DLC1: variants seen among roughly 807,000 people sequenced by gnomAD.
DLC1 encodes the protein rho GTPase-activating protein 7.
DLC1 carries 54 observed loss-of-function variants against 140.3 expected under a neutral mutation model. That is an observed-to-expected ratio of 0.38 (90% confidence interval 0.31 to 0.48). The LOEUF (loss-of-function observed/expected upper bound fraction) is 0.48, where lower values mean the gene tolerates loss of function less well. DLC1 is among the 20% of genes least tolerant of loss of function. The probability of loss-of-function intolerance (pLI) is 0.96; values close to 1 mark genes in which losing one functional copy is unlikely to be tolerated. For synonymous variants in DLC1, 986 were observed against 728.1 expected, an observed-to-expected ratio of 1.35 and a Z score of -5.70; for missense variants, 2,536 against 1,907.0, an observed-to-expected ratio of 1.33 and a Z score of -6.14.
At chr8:13,239,210 T>A (rs1341395531) in intron 5 of DLC1, among the ~76,000 whole-genome samples, 1 of 152,106 alleles carries the variant, frequency 6.6e-6, no homozygotes, top group East Asian at 1.9e-4. Context: ...AGAGCAGTTG[T>A]TAGGTGCAAA....
chr8:13,553,857 C>T (rs11782548), intron 1 of DLC1, among the ~76,000 whole-genome samples: 119,337 of 152,020 alleles, frequency 0.79, 47,156 homozygotes, highest in East Asian at 0.96. Context: ...TTATCTTACT[C>T]GAGGACATTT....
chr8:13,242,079 C>A (rs1254305576), intron 5 of DLC1, among the ~76,000 whole-genome samples: 1 of 152,138 alleles, frequency 6.6e-6, no homozygotes, highest in Non-Finnish European at 1.5e-5. Context: ...ATAGGTAAAA[C>A]ACTCATGCAC....
intron 6 of DLC1, among the ~76,000 whole-genome samples, chr8:13,113,929 C>T (rs1373750512): frequency 6.6e-6 from 1 of 152,186 alleles, no homozygotes; most frequent in Non-Finnish European, 1.5e-5. Flanking sequence ...TAAGGAAGAC[C>T]GGGTATTCTA....
intron 1 of DLC1, among the ~76,000 whole-genome samples, chr8:13,525,691 A>G (rs1217272779): frequency 3.3e-5 from 5 of 152,128 alleles, no homozygotes; most frequent in Non-Finnish European, 7.4e-5. Flanking sequence ...TGGTTTCCTT[A>G]TGGGAGACCA....
At position 13,425,839 on chromosome 8, in the gene DLC1, A is replaced by G. The variant is rs530599138; in HGVS notation, c.1024-24220T>C. Among the ~76,000 whole-genome samples, 5 of 152,310 alleles carry G rather than the reference A, an allele frequency of 3.3e-5. No homozygotes were observed. In the East Asian group the frequency reaches 7.7e-4, roughly 24 times the overall value. On this transcript the variant is annotated intron_variant, in intron 2 of 17. Transcript: ENST00000276297. ...GCCTGGGCTGTAGTGCAGTGGCACA[A>G]TCATAGCTCACTGTAGCCTTGACCT...
At chr8:13,535,831 A>G (rs1803259542) in intron 1 of DLC1, among the ~76,000 whole-genome samples, 1 of 152,154 alleles carries the variant, frequency 6.6e-6, no homozygotes, top group South Asian at 2.1e-4. Flanking sequence ...TATCTACTTA[A>G]TAGATTTTGA....
chr8:13,434,683 T>C (rs183472396), intron 2 of DLC1, among the ~76,000 whole-genome samples: 1 of 152,242 alleles, frequency 6.6e-6, no homozygotes, highest in African/African-American at 2.4e-5. Context: ...GTTTTATTAT[T>C]AGTAGTATTT....
chr8:13,121,725 CT>C (rs1821091194), intron 5 of DLC1, among the ~76,000 whole-genome samples: 1 of 117,714 alleles, frequency 8.5e-6, no homozygotes, highest in African/African-American at 4.4e-5. Context: ...AGTTTTTATA[CT>C]ATTTTTTATA....
At chr8:13,290,668 G>C (rs1250923195) in intron 5 of DLC1, among the ~76,000 whole-genome samples, 1 of 152,136 alleles carries the variant, frequency 6.6e-6, no homozygotes, top group African/African-American at 2.4e-5. Flanking sequence ...TGGAGTGTTT[G>C]GGGGAAAAGT....
intron 5 of DLC1, among the ~76,000 whole-genome samples, chr8:13,165,518 C>A (rs994235616): frequency 6.6e-6 from 1 of 152,212 alleles, no homozygotes; most frequent in South Asian, 2.1e-4. Flanking sequence ...CGTACTTTCA[C>A]GCTCTGTTCC....
intron 1 of DLC1, among the ~76,000 whole-genome samples, chr8:13,601,321 T>C (rs951856807): frequency 1.3e-5 from 2 of 151,806 alleles, no homozygotes; most frequent in Non-Finnish European, 3.0e-5. Flanking sequence ...TGCTATCTTA[T>C]ACTTCAGTGT....
chr8:13,234,175 A>C (rs2117212144), intron 5 of DLC1, among the ~76,000 whole-genome samples: 1 of 152,288 alleles, frequency 6.6e-6, no homozygotes, highest in East Asian at 1.9e-4. Context: ...CTTTTTAAAA[A>C]TTTAGGAAAT....
chr8:13,201,633 C>G (rs1397591312), intron 5 of DLC1, among the ~76,000 whole-genome samples: 2 of 151,936 alleles, frequency 1.3e-5, no homozygotes, highest in Non-Finnish European at 2.9e-5. Flanking sequence ...GGAGAAAAAG[C>G]AATTTGTGTC....
At chr8:13,528,579 T>C (rs1802994062) in intron 1 of DLC1, among the ~76,000 whole-genome samples, 1 of 152,138 alleles carries the variant, frequency 6.6e-6, no homozygotes, top group Non-Finnish European at 1.5e-5. Context: ...TTTCCTCTAC[T>C]TATATTAGTT....
rs1799251388 is a variant in DLC1, at chr8:13,453,550, ATATATATTTTTT to A, written c.1023+45487_1023+45498del. On this transcript the variant is annotated intron_variant, in intron 2 of 17. Coordinates refer to ENST00000276297, the MANE Select transcript of DLC1 (RefSeq NM_182643.3). ...TATGTATATATATACATATATATAT[ATATATATTTTTT>A]TTTTTTTTTTTTCAGATAGAAATGT... Among the ~76,000 whole-genome samples the A allele has an allele frequency of 2.0e-4, 9 of 45,994 alleles. 2 individuals carry two copies. The highest frequency in any genetic ancestry group is 1.2e-3 in the African/African-American group (9 of 7,508). 30.2% of individuals were successfully genotyped at this position (45,994 alleles called of 152,430 possible). A position where few individuals can be genotyped will look rare whatever the true frequency, so the allele number is the denominator to read the frequency against.
chr8:13,146,293 C>G (rs902910348), intron 5 of DLC1, among the ~76,000 whole-genome samples: 1 of 151,030 alleles, frequency 6.6e-6, no homozygotes, highest in Non-Finnish European at 1.5e-5. Context: ...AAAAAATACA[C>G]TGTAATACGT....
intron 1 of DLC1, among the ~76,000 whole-genome samples, chr8:13,501,041 C>G (rs1040536292): frequency 1.3e-5 from 2 of 152,200 alleles, no homozygotes; most frequent in African/African-American, 4.8e-5. Flanking sequence ...CTACCTTCAT[C>G]CCTTCTTCCC....
chr8:13,407,050 A>G (rs900920155), intron 2 of DLC1, among the ~76,000 whole-genome samples: 1 of 152,220 alleles, frequency 6.6e-6, no homozygotes, highest in African/African-American at 2.4e-5. Context: ...AGAAATTTCC[A>G]CTTGTGTCTC....
At chr8:13,458,507 A>G (rs181429267) in intron 2 of DLC1, among the ~76,000 whole-genome samples, 5 of 152,284 alleles carry the variant, frequency 3.3e-5, no homozygotes, top group Admixed American at 2.0e-4. Context: ...TTCCCTTGTT[A>G]TTTGAAATGC....
Sources: gnomAD v4.1 joint callset for allele counts (sites outside exome capture counted in the v4.1 genomes callset) on GRCh38, gnomAD v4.1.1 for gene constraint, MANE v1.5 for transcripts, NCBI Gene and HGNC (gene_info 2026-07-23, HGNC 2026-07-21) for gene names.